Variants in EMSY observed in about 807,000 individuals in gnomAD.
EMSY encodes the protein EMSY transcriptional repressor, BRCA2 interacting.
A neutral mutation model predicts 134.6 loss-of-function variants in EMSY; 26 were observed. That is an observed-to-expected ratio of 0.19 (90% CI 0.14 to 0.27). EMSY has a LOEUF of 0.27. Ranked by LOEUF, EMSY falls within the 10% of genes least tolerant of loss-of-function variation. The pLI, the probability that EMSY is intolerant of heterozygous loss-of-function variation, is 1.00. For synonymous variants in EMSY, 579 were observed against 577.8 expected, an observed-to-expected ratio of 1.00 and a Z score of -0.03; for missense variants, 1,305 against 1,611.4, an observed-to-expected ratio of 0.81 and a Z score of 3.26.
At chr11:76,455,629 T>C (rs991413710) in intron 4 of EMSY, among the ~76,000 whole-genome samples, 2 of 152,090 alleles carry the variant, frequency 1.3e-5, no homozygotes, top group East Asian at 1.9e-4. Context: ...GCTGAGAAGA[T>C]TGAGCACAAA....
chr11:76,447,044 G>C (rs1947444518), intron 2 of EMSY, 36 bp downstream of exon 2: 1 of 1,600,116 alleles, frequency 6.2e-7, no homozygotes, highest in Admixed American at 1.7e-5. Flanking sequence ...ACCTCTCTCT[G>C]ATACCTTTTT....
rs552316818 is a variant in EMSY, at chr11:76,544,221, T to C, written c.2710-38T>C. Reference sequence around the variant, plus strand: ...GGAAAATGTAGCAATGTAGATGTTTTTCTTATTTCATTCTTACTTTGTGCC... The same window carrying C: ...GGAAAATGTAGCAATGTAGATGTTTCTCTTATTTCATTCTTACTTTGTGCC... On this transcript the variant is annotated intron_variant, in intron 18 of 20. Coordinates refer to ENST00000334736, the Ensembl canonical transcript of EMSY. The C allele has an allele frequency of 4.9e-5, 75 of 1,539,012 alleles. 1 individual carries two copies. The highest frequency in any genetic ancestry group is 6.2e-6 in the Non-Finnish European group (7 of 1,131,822).
At chr11:76,480,597 A>G (rs1229707175) in intron 8 of EMSY, among the ~76,000 whole-genome samples, 1 of 152,206 alleles carries the variant, frequency 6.6e-6, no homozygotes, top group Non-Finnish European at 1.5e-5. Context: ...GAGTTAATAT[A>G]AAAATGCTTT....
intron 11 of EMSY, among the ~76,000 whole-genome samples, chr11:76,522,714 T>A (rs1950691948): frequency 6.6e-6 from 1 of 152,186 alleles, no homozygotes; most frequent in African/African-American, 2.4e-5. Context: ...TTTTCATAAA[T>A]TTTTTCTAGA....
chr11:76,540,721 C>T (rs1393501298), intron 17 of EMSY, among the ~76,000 whole-genome samples: 1 of 148,886 alleles, frequency 6.7e-6, no homozygotes, highest in African/African-American at 2.4e-5. Context: ...GAACACCCCA[C>T]TATGACTTTT....
chr11:76,480,668 G>A (rs1344920213), intron 8 of EMSY, among the ~76,000 whole-genome samples: 1 of 152,176 alleles, frequency 6.6e-6, no homozygotes, highest in South Asian at 2.1e-4. Context: ...AGCTCCCAGC[G>A]AGATCAACAC....
intron 7 of EMSY, 71 bp downstream of exon 8, chr11:76,464,151 T>TGCACATAGTAA: frequency 2.6e-6 from 4 of 1,544,890 alleles, no homozygotes; most frequent in Non-Finnish European, 3.5e-6. Flanking sequence ...TTAATAAACA[T>TGCACATAGTAA]GCACTGAGTG....
chr11:76,544,355 G>T, exon 19 of EMSY: 2 of 1,614,150 alleles, frequency 1.2e-6, no homozygotes, highest in South Asian at 2.2e-5. Flanking sequence ...CCCTCAGACA[G>T]GTCTGTTTTA....
chr11:76,528,213 A>C lies in EMSY; in HGVS notation c.1996-55A>C, dbSNP rs148813147. 4 of 1,488,820 alleles carry C rather than the reference A, an allele frequency of 2.7e-6. No homozygotes were observed. In the African/African-American group the frequency reaches 5.6e-5, roughly 21 times the overall value. 92.2% of individuals were successfully genotyped at this position (1,488,820 alleles called of 1,614,324 possible). A position where few individuals can be genotyped will look rare whatever the true frequency, so the allele number is the denominator to read the frequency against. The stretch of plus-strand genomic sequence containing the variant: ...TTAGTTTATGACCTAGAAGTTTAGC[A>C]TTTTTAAATCGTTTTCTAAAATTTT... On this transcript the variant is annotated intron_variant, in intron 13 of 20. Coordinates refer to ENST00000334736, the Ensembl canonical transcript of EMSY.
chr11:76,463,073 T>G (rs911367201), intron 6 of EMSY, among the ~76,000 whole-genome samples: 10 of 151,946 alleles, frequency 6.6e-5, no homozygotes, highest in African/African-American at 2.2e-4. Context: ...CCCAGCACTT[T>G]GGGAGGCCAA....
intron 20 of EMSY, 71 bp from the exon 22 acceptor site, chr11:76,549,881 T>G: frequency 7.8e-7 from 1 of 1,280,518 alleles, no homozygotes; most frequent in Non-Finnish European, 1.1e-6. Context: ...TTTTTTTTTC[T>G]TGATATTGTT....
At position 76,518,703 on chromosome 11, in the gene EMSY, A is replaced by ATT. The variant is rs67729914; in HGVS notation, c.1684+2400_1684+2401dup. On this transcript the variant is annotated intron_variant, in intron 11 of 20. Transcript: ENST00000334736. ...TGCGCGCATATATATATATATATATATTTTTTTTTTAATTGGGATCTAATA... is the reference window on the plus strand; with the variant it reads ...TGCGCGCATATATATATATATATATATTTTTTTTTTTTAATTGGGATCTAATA... 2.1e-3 allele frequency among the ~76,000 whole-genome samples: 268 copies of ATT among 130,176 alleles called. 1 individual carries two copies. Among genetic ancestry groups the ATT allele is most frequent in the Non-Finnish European group, 2.2e-3 (139 of 62,598 alleles). The allele number at this position is 130,176 out of a possible 152,430, so 85.4% of individuals were successfully genotyped here. A position where few individuals can be genotyped will look rare whatever the true frequency, so the allele number is the denominator to read the frequency against.
At chr11:76,544,704 C>T (rs201857258) in exon 19 of EMSY, 4 of 1,614,142 alleles carry the variant, frequency 2.5e-6, no homozygotes, top group African/African-American at 2.7e-5. Flanking sequence ...GTGAAAACCA[C>T]GCAGCAGCTC....
At chr11:76,461,054 C>T (rs1399412598) in intron 6 of EMSY, 1 of 151,786 alleles carries the variant, frequency 6.6e-6, no homozygotes, top group Non-Finnish European at 1.5e-5. Flanking sequence ...GTTGGAAAGT[C>T]CAAGTTTGGG....
intron 8 of EMSY, among the ~76,000 whole-genome samples, chr11:76,493,292 G>A (rs914869525): frequency 6.6e-6 from 1 of 152,210 alleles, no homozygotes; most frequent in South Asian, 2.1e-4. Context: ...GAGGCCAAAG[G>A]GGGTCGAGGG....
At chr11:76,540,820 C>T (rs1951411138) in intron 17 of EMSY, among the ~76,000 whole-genome samples, 1 of 152,288 alleles carries the variant, frequency 6.6e-6, no homozygotes, top group East Asian at 1.9e-4. Context: ...TCAATAATCC[C>T]AAAAGCCTTA....
At chr11:76,508,040 A>T (rs901905922) in intron 9 of EMSY, among the ~76,000 whole-genome samples, 9 of 151,434 alleles carry the variant, frequency 5.9e-5, no homozygotes, top group Non-Finnish European at 1.0e-4. Context: ...TAATTTTTTT[A>T]AAAAAATTTT....
chr11:76,471,926 G>A (rs1948585860), intron 7 of EMSY, among the ~76,000 whole-genome samples: 1 of 151,920 alleles, frequency 6.6e-6, no homozygotes, highest in African/African-American at 2.4e-5. Flanking sequence ...TGGTCTTCTG[G>A]GTAGCACCAT....
chr11:76,489,935 T>C (rs1949352975), intron 8 of EMSY, among the ~76,000 whole-genome samples: 1 of 152,166 alleles, frequency 6.6e-6, no homozygotes, highest in Admixed American at 6.5e-5. Context: ...CATTATTGTA[T>C]TCTTAACCCA....
Sources: gnomAD v4.1 joint callset for allele counts (sites outside exome capture counted in the v4.1 genomes callset) on GRCh38, gnomAD v4.1.1 for gene constraint, MANE v1.5 for transcripts, NCBI Gene and HGNC (gene_info 2026-07-23, HGNC 2026-07-21) for gene names.